The following MUSK variants were observed in gnomAD, a reference collection of about 807,000 sequenced individuals.
The protein encoded by MUSK is muscle associated receptor tyrosine kinase.
MUSK carries 55 observed loss-of-function variants against 88.7 expected under a neutral mutation model. That is an observed-to-expected ratio of 0.62 (90% CI 0.50 to 0.78). The LOEUF is 0.78. Among genes scored for constraint, MUSK ranks in the 30% least tolerant of loss-of-function variants. The probability of loss-of-function intolerance (pLI) is 0.00; values close to 1 mark genes in which losing one functional copy is unlikely to be tolerated. For synonymous variants in MUSK, 387 were observed against 391.9 expected, an observed-to-expected ratio of 0.99 and a Z score of 0.15; for missense variants, 1,015 against 1,074.3, an observed-to-expected ratio of 0.94 and a Z score of 0.77.
chr9:110,770,249 T>C (rs556444909), intron 9 of MUSK, among the ~76,000 whole-genome samples: 1 of 148,494 alleles, frequency 6.7e-6, no homozygotes, highest in South Asian at 2.1e-4. Flanking sequence ...GGCAAAATGT[T>C]TCTAAATTTC....
In MUSK at chr9:110,716,075, A is replaced by T. The variant is rs1336448810; in HGVS notation, c.629-18176A>T. Reference sequence around the variant, plus strand: ...TCTGTGCAGCAAACCACCGTGGCACACGTTTACCTATGTAACAAACCTGCA... The same window carrying T: ...TCTGTGCAGCAAACCACCGTGGCACTCGTTTACCTATGTAACAAACCTGCA... On this transcript the variant is annotated intron_variant, in intron 5 of 14. Transcript: ENST00000374448. Among the ~76,000 whole-genome samples the T allele has an allele frequency of 1.3e-5, 2 of 149,784 alleles. 1 individual carries two copies. The highest frequency in any genetic ancestry group is 1.3e-4 in the Admixed American group (2 of 15,190).
At chr9:110,701,699 AT>A (rs1210993088) in intron 5 of MUSK, among the ~76,000 whole-genome samples, 9 of 42 alleles carry the variant, frequency 0.21, no homozygotes, top group Admixed American at 0.4. Flanking sequence ...ACTTTATTTT[AT>A]TTTATTTTAT....
At chr9:110,671,711 A>T (rs979447081) in intron 1 of MUSK, among the ~76,000 whole-genome samples, 16 of 152,236 alleles carry the variant, frequency 1.1e-4, no homozygotes, top group African/African-American at 3.9e-4. Flanking sequence ...ACTGTCATTT[A>T]TGAAAGTAGC....
At chr9:110,730,156 C>T (rs1416651467) in intron 5 of MUSK, among the ~76,000 whole-genome samples, 2 of 151,952 alleles carry the variant, frequency 1.3e-5, no homozygotes, top group Non-Finnish European at 2.9e-5. Context: ...ATTAAAGCCC[C>T]AAACTCATGA....
chr9:110,695,821 T>A (rs978297496), intron 4 of MUSK, among the ~76,000 whole-genome samples: 8 of 152,118 alleles, frequency 5.3e-5, no homozygotes, highest in Admixed American at 6.6e-5. Flanking sequence ...TCATTTATTT[T>A]TTTTTAATGT....
chr9:110,747,926 T>A (rs2077196430), intron 7 of MUSK, 126 bp downstream of exon 7: 1 of 1,293,816 alleles, frequency 7.7e-7, no homozygotes, highest in Non-Finnish European at 1.1e-6. Flanking sequence ...TTTGGGCTAT[T>A]TCCTCCCCCA....
At chr9:110,718,315 A>G (rs1294487039) in intron 5 of MUSK, among the ~76,000 whole-genome samples, 2 of 152,024 alleles carry the variant, frequency 1.3e-5, no homozygotes, top group African/African-American at 2.4e-5. Flanking sequence ...GCCACATCCT[A>G]TTTGTTAGAA....
At chr9:110,742,090 T>A (rs1002426637) in intron 6 of MUSK, among the ~76,000 whole-genome samples, 8 of 152,166 alleles carry the variant, frequency 5.3e-5, no homozygotes, top group Admixed American at 2.6e-4. Context: ...TTTGTCAATG[T>A]GTTTTTTGGC....
chr9:110,768,300 C>A (rs1688307865), intron 9 of MUSK, among the ~76,000 whole-genome samples: 1 of 152,186 alleles, frequency 6.6e-6, no homozygotes, highest in African/African-American at 2.4e-5. Flanking sequence ...GAGTTTAACA[C>A]CAGCCTGTCC....
At chr9:110,714,508 G>A (rs922149557) in intron 5 of MUSK, among the ~76,000 whole-genome samples, 3 of 152,142 alleles carry the variant, frequency 2.0e-5, no homozygotes, top group Non-Finnish European at 4.4e-5. Context: ...CAGAGTTGGA[G>A]CCACAGTGGG....
intron 1 of MUSK, among the ~76,000 whole-genome samples, chr9:110,676,685 G>A (rs894545477): frequency 2.0e-5 from 3 of 151,730 alleles, no homozygotes; most frequent in Non-Finnish European, 2.9e-5. Context: ...TTGCTGAAGA[G>A]AATGGCTTCC....
intron 1 of MUSK, among the ~76,000 whole-genome samples, chr9:110,675,937 A>C (rs2076021842): frequency 6.6e-6 from 1 of 151,992 alleles, no homozygotes; most frequent in South Asian, 2.1e-4. Flanking sequence ...CACACTCCAC[A>C]AGCTTAATAA....
intron 14 of MUSK, among the ~76,000 whole-genome samples, chr9:110,798,537 AG>A (rs1246227352): frequency 3.6e-4 from 55 of 152,252 alleles, no homozygotes; most frequent in Non-Finnish European, 6.5e-4. Context: ...GCTAGGCATG[AG>A]GTTTTCTTAT....
chr9:110,689,570 T>A (rs535155507), intron 3 of MUSK, among the ~76,000 whole-genome samples: 8 of 91,962 alleles, frequency 8.7e-5, no homozygotes, highest in Non-Finnish European at 1.3e-4. Flanking sequence ...TTATATATAT[T>A]TATATATTTT....
At chr9:110,756,738 G>A (rs2077329854) in intron 7 of MUSK, among the ~76,000 whole-genome samples, 1 of 152,036 alleles carries the variant, frequency 6.6e-6, no homozygotes, top group African/African-American at 2.4e-5. Context: ...TTTACTTGAA[G>A]GCTGAGAACC....
At chr9:110,693,665 A>G (rs2076388101) in intron 3 of MUSK, among the ~76,000 whole-genome samples, 1 of 152,186 alleles carries the variant, frequency 6.6e-6, no homozygotes, top group Non-Finnish European at 1.5e-5. Flanking sequence ...CAATTTCCCA[A>G]AAGGGAATTC....
chr9:110,770,503 AATTATAT>A (rs2077558101), intron 9 of MUSK, among the ~76,000 whole-genome samples: 1 of 147,004 alleles, frequency 6.8e-6, no homozygotes, highest in Non-Finnish European at 1.5e-5. Flanking sequence ...ATAATAATAT[AATTATAT>A]ATTATATAGC....
intron 6 of MUSK, among the ~76,000 whole-genome samples, chr9:110,737,661 G>A (rs1445050766): frequency 6.6e-6 from 1 of 152,086 alleles, no homozygotes; most frequent in Non-Finnish European, 1.5e-5. Flanking sequence ...AGGTGAGAAA[G>A]TTGAGATGCA....
At chr9:110,694,996 C>A (rs1209516193) in intron 3 of MUSK, among the ~76,000 whole-genome samples, 2 of 151,994 alleles carry the variant, frequency 1.3e-5, no homozygotes, top group Non-Finnish European at 2.9e-5. Context: ...TAATTTCTAA[C>A]TAGGTAAGAA....
Sources: gnomAD v4.1 joint callset for allele counts (sites outside exome capture counted in the v4.1 genomes callset) on GRCh38, gnomAD v4.1.1 for gene constraint, MANE v1.5 for transcripts, NCBI Gene and HGNC (gene_info 2026-07-23, HGNC 2026-07-21) for gene names.